Variants in LRRC34 observed in about 807,000 individuals in gnomAD.
LRRC34 encodes leucine rich repeat containing 34, also known as leucine-rich repeat-containing protein 34.
Under a neutral mutation model 48.5 loss-of-function variants are expected in LRRC34, and 44 were observed. The ratio of observed to expected loss-of-function variants is 0.91; its 90% confidence interval spans 0.71 to 1.17. The LOEUF (loss-of-function observed/expected upper bound fraction) is 1.17, where lower values mean the gene tolerates loss of function less well. Ranked by LOEUF, LRRC34 falls within the 50% of genes most tolerant of loss-of-function variation. LRRC34 has a pLI of 0.00. For missense variants in LRRC34, 502 were observed against 563.0 expected, an observed-to-expected ratio of 0.89 and a Z score of 1.10; for synonymous variants, 192 against 197.6, an observed-to-expected ratio of 0.97 and a Z score of 0.24.
rs1457815630 is a variant in LRRC34 at position 169,795,485 on chromosome 3, T to C, written c.1191A>G (p.Ile397Met). Reference sequence around the variant, plus strand: ...GTGAAGGAAAAAACTTAAAACTTACTATACACGTAGCCTCATCAAATTTGT... The same window carrying C: ...GTGAAGGAAAAAACTTAAAACTTACCATACACGTAGCCTCATCAAATTTGT... ...WGNKFDEATC[I>M]AYSDLIQMGC... Residue 397 changes from isoleucine (I) to methionine (M), a missense_variant and splice_region_variant, in exon 10 of 11, where the codon ATA becomes ATG. Coordinates refer to ENST00000446859, the MANE Select transcript of LRRC34 (RefSeq NM_001172779.2). 3 of 1,600,150 alleles carry C rather than the reference T, an allele frequency of 1.9e-6. No individual in the cohort carries two copies. The South Asian group carries it at 3.4e-5, about 18-fold the overall frequency.
At chr3:169,805,386 C>G (rs921894328) in intron 5 of LRRC34, among the ~76,000 whole-genome samples, 12 of 152,128 alleles carry the variant, frequency 7.9e-5, no homozygotes, top group Non-Finnish European at 1.6e-4. Flanking sequence ...TTAAGAACAA[C>G]AGTTCCACTT....
At chr3:169,799,129 G>A (rs1442221280) in intron 7 of LRRC34, among the ~76,000 whole-genome samples, 2 of 152,126 alleles carry the variant, frequency 1.3e-5, no homozygotes, top group Non-Finnish European at 2.9e-5. Context: ...TTGTTGAACA[G>A]ATTGGATTTA....
intron 6 of LRRC34, 93 bp downstream of exon 6, chr3:169,803,960 T>C: frequency 7.8e-7 from 1 of 1,282,000 alleles, no homozygotes; most frequent in Non-Finnish European, 1.0e-6. Context: ...ATATTAGACA[T>C]AAGAGGCAAA....
chr3:169,806,836 A>C lies in LRRC34; in HGVS notation c.528+12T>G. On this transcript the variant is annotated intron_variant, in intron 5 of 10. Transcript: ENST00000446859. ...CAAATACAATGTTAGTTTGAAATACATAAATGCTTACATGTAGCACTTTAG... is the reference window on the plus strand; with the variant it reads ...CAAATACAATGTTAGTTTGAAATACCTAAATGCTTACATGTAGCACTTTAG... The C allele has an allele frequency of 1.3e-6, 2 of 1,547,360 alleles. No individual in the cohort carries two copies. The highest frequency in any genetic ancestry group is 2.3e-5 in the South Asian group (2 of 86,160).
At chr3:169,803,723 C>T (rs1424588084) in intron 6 of LRRC34, among the ~76,000 whole-genome samples, 7 of 152,208 alleles carry the variant, frequency 4.6e-5, no homozygotes, top group Non-Finnish European at 1.0e-4. Context: ...TGAGCCACTG[C>T]AGCCTAAAAT....
intron 2 of LRRC34, among the ~76,000 whole-genome samples, 174 bp downstream of exon 2, chr3:169,808,454 A>G (rs1297980007): frequency 6.6e-6 from 1 of 151,760 alleles, no homozygotes; most frequent in Non-Finnish European, 1.5e-5. Flanking sequence ...ATACTATACC[A>G]CCTCTAAGAC....
chr3:169,809,397 C>G (rs184373525), intron 1 of LRRC34, among the ~76,000 whole-genome samples: 3 of 152,128 alleles, frequency 2.0e-5, no homozygotes, highest in Non-Finnish European at 4.4e-5. Flanking sequence ...TTCTTCATAC[C>G]AAATCGAGGC....
At chr3:169,806,558 A>T (rs1251557671) in intron 5 of LRRC34, among the ~76,000 whole-genome samples, 1 of 150,606 alleles carries the variant, frequency 6.6e-6, no homozygotes, top group Non-Finnish European at 1.5e-5. Flanking sequence ...ATGTTTTTAA[A>T]ATAGTGATAG....
chr3:169,812,545 C>T lies in LRRC34; in HGVS notation c.4G>A (p.Ala2Thr). MAAQPPRPVGER... is the reference protein window; with the variant it reads MTAQPPRPVGER... ...CCCACTGGCCGCGGCGGCTGCGCTG[C>T]CATGGCGACCGCGCGCGCACTTACA... The change falls in exon 1 of 11, where the codon GCA becomes ACA. Residue 2 changes from alanine to threonine, a missense_variant. Ala to Thr is a moderately conservative substitution (Grantham distance 58). Transcript: ENST00000446859. The surrounding 1 kb of genome is among the most constrained non-coding windows in gnomAD (Gnocchi z 4.3). 6.7e-7 allele frequency: 1 copy of T among 1,487,634 alleles called. No homozygotes were observed. Among genetic ancestry groups the T allele is most frequent in the Non-Finnish European group, 8.9e-7 (1 of 1,126,938 alleles). 92.2% of individuals were successfully genotyped at this position (1,487,634 alleles called of 1,614,324 possible).
At chr3:169,798,275 GA>G (rs1185632459) in intron 7 of LRRC34, among the ~76,000 whole-genome samples, 1 of 152,214 alleles carries the variant, frequency 6.6e-6, no homozygotes, top group East Asian at 1.9e-4. Flanking sequence ...ACTATTGTCA[GA>G]AATAGTAAAG....
intron 2 of LRRC34, among the ~76,000 whole-genome samples, 176 bp downstream of exon 2, chr3:169,808,452 C>A (rs529914555): frequency 6.6e-6 from 1 of 151,966 alleles, no homozygotes; most frequent in African/African-American, 2.4e-5. Context: ...GAATACTATA[C>A]CACCTCTAAG....
intron 4 of LRRC34, 40 bp from the exon 5 acceptor site, chr3:169,806,971 G>A (rs1208557645): frequency 7.7e-7 from 1 of 1,297,686 alleles, no homozygotes. Context: ...ATTATTATTG[G>A]AAATTGGTCA....
intron 5 of LRRC34, among the ~76,000 whole-genome samples, chr3:169,804,623 A>C (rs1018838657): frequency 6.6e-6 from 1 of 152,208 alleles, no homozygotes; most frequent in Non-Finnish European, 1.5e-5. Flanking sequence ...TAAAGGTAAC[A>C]TTCAATCTAC....
intron 9 of LRRC34, 39 bp downstream of exon 9, chr3:169,796,175 C>G: frequency 2.6e-6 from 4 of 1,550,466 alleles, no homozygotes; most frequent in Non-Finnish European, 3.5e-6. Flanking sequence ...TAAAAATTTG[C>G]TTTTCTGTTA....
In LRRC34 at chr3:169,795,528, T is replaced by C. The variant is rs1022305446; in HGVS notation, c.1148A>G (p.His383Arg). 3.1e-6 allele frequency: 5 copies of C among 1,612,482 alleles called. No homozygotes were observed. Among genetic ancestry groups the C allele is most frequent in the East Asian group, 2.2e-5 (1 of 44,760 alleles). ...QSMKTNLTFSHIYIWGNKFDE... is the reference protein window; with the variant it reads ...QSMKTNLTFSRIYIWGNKFDE... ...AAATTTGTTTCCCCAAATGTAGATA[T>C]GAGAGAAAGTGAGATTTGTTTTCAT... The change falls in exon 10 of 11, where the codon CAT (histidine) becomes CGT (arginine). Residue 383 changes from histidine (H) to arginine (R), a missense_variant. Coordinates refer to ENST00000446859, the MANE Select transcript of LRRC34 (RefSeq NM_001172779.2).
intron 6 of LRRC34, among the ~76,000 whole-genome samples, chr3:169,801,334 T>TA (rs900207031): frequency 1.3e-5 from 2 of 152,132 alleles, no homozygotes; most frequent in Admixed American, 6.5e-5. Flanking sequence ...CACTAAGACT[T>TA]ACAGATTCTG....
chr3:169,801,504 C>CTGGTTTTA (rs1779191094), intron 6 of LRRC34, among the ~76,000 whole-genome samples: 1 of 152,196 alleles, frequency 6.6e-6, no homozygotes, highest in Non-Finnish European at 1.5e-5. Flanking sequence ...TGATCTAAAA[C>CTGGTTTTA]CACCAATCAG....
chr3:169,796,951 G>C (rs1045007677), intron 7 of LRRC34, 52 bp from the exon 8 acceptor site: 2 of 1,340,574 alleles, frequency 1.5e-6, no homozygotes, highest in Non-Finnish European at 2.0e-6. Flanking sequence ...AGTAGTACAT[G>C]TTTATTTCAG....
At chr3:169,803,156 A>C (rs1779254845) in intron 6 of LRRC34, among the ~76,000 whole-genome samples, 1 of 152,196 alleles carries the variant, frequency 6.6e-6, no homozygotes, top group Non-Finnish European at 1.5e-5. Context: ...ATGCAAAAAA[A>C]CACATTTTTC....
Sources: gnomAD v4.1 joint callset for allele counts (sites outside exome capture counted in the v4.1 genomes callset) on GRCh38, gnomAD v4.1.1 for gene constraint, Gnocchi (gnomAD v3.1) non-coding constraint, MANE v1.5 for transcripts, NCBI Gene and HGNC (gene_info 2026-07-23, HGNC 2026-07-21) for gene names.